The following KIFAP3 variants were observed in gnomAD, a reference collection of about 807,000 sequenced individuals.
The protein encoded by KIFAP3 is kinesin-associated protein 3.
A neutral mutation model predicts 106.5 loss-of-function variants in KIFAP3; 68 were observed. That is an observed-to-expected ratio of 0.64 (90% CI 0.53 to 0.78). The LOEUF is 0.78. Among genes scored for constraint, KIFAP3 ranks in the 30% least tolerant of loss-of-function variants. The pLI, the probability that KIFAP3 is intolerant of heterozygous loss-of-function variation, is 0.00. For missense variants in KIFAP3, 780 were observed against 941.8 expected (o/e 0.83, Z 2.25); for synonymous variants, 320 against 311.5 (o/e 1.03, Z -0.29).
intron 18 of KIFAP3, among the ~76,000 whole-genome samples, chr1:169,957,305 G>C (rs926687013): frequency 2.0e-5 from 3 of 152,088 alleles, no homozygotes; most frequent in Admixed American, 2.0e-4. Context: ...AACACTCTAA[G>C]CTATAGAGTA....
chr1:169,987,074 ATT>A (rs1325576808), intron 11 of KIFAP3, among the ~76,000 whole-genome samples: 1 of 152,082 alleles, frequency 6.6e-6, no homozygotes, highest in African/African-American at 2.4e-5. Flanking sequence ...AAACATTTCA[ATT>A]TTAATTAAAG....
At chr1:169,997,884 A>AAAAAAAAAAAG (rs1667445206) in intron 10 of KIFAP3, among the ~76,000 whole-genome samples, 1 of 13,054 alleles carries the variant, frequency 7.7e-5, no homozygotes, top group African/African-American at 7.1e-4. Flanking sequence ...AAAAAAAAAG[A>AAAAAAAAAAAG]AAAAAAAAAG....
At chr1:170,045,617 C>A (rs1485640152) in intron 3 of KIFAP3, among the ~76,000 whole-genome samples, 1 of 152,080 alleles carries the variant, frequency 6.6e-6, no homozygotes, top group African/African-American at 2.4e-5. Flanking sequence ...CTATAGTATA[C>A]CTGTTACTAG....
chr1:169,930,003 A>G (rs994987612), intron 19 of KIFAP3, among the ~76,000 whole-genome samples: 1 of 152,172 alleles, frequency 6.6e-6, no homozygotes, highest in African/African-American at 2.4e-5. Flanking sequence ...CTAAATGGTA[A>G]AGAAATTCCA....
At chr1:169,952,811 G>C (rs1297183561) in intron 19 of KIFAP3, among the ~76,000 whole-genome samples, 1 of 152,064 alleles carries the variant, frequency 6.6e-6, no homozygotes, top group East Asian at 1.9e-4. Context: ...TTGTAAAACA[G>C]ATTATATACA....
chr1:169,991,209 T>C (rs952181856), intron 11 of KIFAP3, among the ~76,000 whole-genome samples: 6 of 152,076 alleles, frequency 3.9e-5, no homozygotes, highest in African/African-American at 9.6e-5. Context: ...TAACCAGTCA[T>C]GGTGGTGCAC....
intron 1 of KIFAP3, among the ~76,000 whole-genome samples, chr1:170,073,441 C>T (rs1671790137): frequency 6.6e-6 from 1 of 152,198 alleles, no homozygotes; most frequent in Admixed American, 6.5e-5. Context: ...ATGATGAGAG[C>T]TCAGCCAAGC....
chr1:169,994,053 A>G (rs1169365815), intron 10 of KIFAP3, among the ~76,000 whole-genome samples: 1 of 152,252 alleles, frequency 6.6e-6, no homozygotes, highest in Non-Finnish European at 1.5e-5. Context: ...TAGGTATTTA[A>G]TAATTGTTGA....
intron 16 of KIFAP3, among the ~76,000 whole-genome samples, chr1:169,975,849 A>G (rs1666198142): frequency 6.6e-6 from 1 of 152,190 alleles, no homozygotes; most frequent in South Asian, 2.1e-4. Flanking sequence ...TTAAGACACA[A>G]AGTTTTTATG....
chr1:169,953,003 A>G (rs1342620165), intron 19 of KIFAP3, among the ~76,000 whole-genome samples: 2 of 152,144 alleles, frequency 1.3e-5, no homozygotes, highest in Non-Finnish European at 2.9e-5. Context: ...GAAGAAAAAA[A>G]TTAATAATTT....
chr1:169,999,652 C>T (rs566344930), intron 10 of KIFAP3, among the ~76,000 whole-genome samples: 27 of 152,236 alleles, frequency 1.8e-4, no homozygotes, highest in South Asian at 1.0e-3. Context: ...GGCTATTAAA[C>T]GCAGAGGTCA....
chr1:170,055,467 G>C, intron 1 of KIFAP3, 31 bp from the exon 2 acceptor site: 1 of 1,498,292 alleles, frequency 6.7e-7, no homozygotes, highest in Non-Finnish European at 8.9e-7. Context: ...GATATAACCA[G>C]ATTAAAATTC....
chr1:170,016,480 T>C lies in KIFAP3; in HGVS notation c.1165A>G (p.Lys389Glu), dbSNP rs1008221737. Residue 389 changes from lysine to glutamate, a missense_variant, in exon 10 of 20, where the codon AAG (lysine) becomes GAG (glutamate). Physicochemically the swap from Lys to Glu is moderately conservative, Grantham distance 56. This residue lies in a region of KIFAP3 where 588 missense variants were observed against 678.9 expected (regional missense o/e 0.87). Transcript: ENST00000361580. ...AGCATACCTAGGAGTGCAGTGAGCT[T>C]GGGAAGCAGTCCAACTTGTACCATC... ...NKMVQVGLLP[K>E]LTALLGNDNY... 2.5e-6 allele frequency: 4 copies of C among 1,605,342 alleles called. No homozygotes were observed. The Admixed American group carries it at 6.8e-5, about 27-fold the overall frequency.
intron 17 of KIFAP3, among the ~76,000 whole-genome samples, chr1:169,966,981 G>A (rs578916): frequency 0.94 from 142,261 of 151,844 alleles, 66,726 homozygotes; most frequent in East Asian, 1. Flanking sequence ...GCTGTATAAT[G>A]CTGACCATTT....
intron 18 of KIFAP3, among the ~76,000 whole-genome samples, chr1:169,960,151 A>G (rs1003556131): frequency 6.6e-6 from 1 of 152,154 alleles, no homozygotes; most frequent in South Asian, 2.1e-4. Context: ...ATAATCATCC[A>G]ATCATTGATC....
intron 12 of KIFAP3, 62 bp downstream of exon 12, chr1:169,984,520 A>G (rs1003982143): frequency 1.2e-5 from 8 of 687,090 alleles, no homozygotes; most frequent in African/African-American, 9.0e-5. Context: ...CCTTATATCT[A>G]TTTTCCATCA....
At chr1:169,943,384 T>A (rs1664246105) in intron 19 of KIFAP3, among the ~76,000 whole-genome samples, 1 of 152,080 alleles carries the variant, frequency 6.6e-6, no homozygotes. Context: ...GTTAAATCAA[T>A]CAAGACAACA....
chr1:170,005,002 A>C (rs1054499693), intron 10 of KIFAP3, among the ~76,000 whole-genome samples: 1 of 152,178 alleles, frequency 6.6e-6, no homozygotes, highest in Non-Finnish European at 1.5e-5. Flanking sequence ...AACCCAAACA[A>C]ATTTACAAGA....
intron 9 of KIFAP3, among the ~76,000 whole-genome samples, chr1:170,018,867 C>T (rs994281372): frequency 6.6e-5 from 10 of 152,126 alleles, no homozygotes; most frequent in Non-Finnish European, 1.3e-4. Context: ...CACAGCCACA[C>T]TGTAGTCATA....
Sources: gnomAD v4.1 joint callset for allele counts (sites outside exome capture counted in the v4.1 genomes callset) on GRCh38, gnomAD v4.1.1 for gene constraint, gnomAD v4.1.1 regional missense constraint, MANE v1.5 for transcripts, NCBI Gene and HGNC (gene_info 2026-07-23, HGNC 2026-07-21) for gene names.